Variants in TAFA2 observed in about 807,000 individuals in gnomAD.
TAFA2 encodes the protein chemokine-like protein TAFA-2.
Under a neutral mutation model 18.8 loss-of-function variants are expected in TAFA2, and 7 were observed. The ratio of observed to expected loss-of-function variants is 0.37; its 90% CI spans 0.21 to 0.70. The LOEUF (loss-of-function observed/expected upper bound fraction) is 0.70, where lower values mean the gene tolerates loss of function less well. Ranked by LOEUF, TAFA2 falls within the 30% of genes least tolerant of loss-of-function variation. The pLI is 0.53. For missense variants in TAFA2, 122 were observed against 158.1 expected (o/e 0.77, Z 1.23); for synonymous variants, 60 against 54.2 (o/e 1.11, Z -0.47).
chr12:61,879,617 CA>C (rs2121266006), intron 1 of TAFA2: 1 of 805,808 alleles, frequency 1.2e-6, no homozygotes, highest in African/African-American at 1.7e-5. Flanking sequence ...TCAAGACATT[CA>C]AAACAAGTTT....
At chr12:61,905,281 C>G (rs1876295628) in intron 1 of TAFA2, among the ~76,000 whole-genome samples, 2 of 152,020 alleles carry the variant, frequency 1.3e-5, no homozygotes, top group South Asian at 4.2e-4. Context: ...CATTACCAGG[C>G]CCTCTAATTG....
At chr12:61,932,788 C>T (rs926296496) in intron 1 of TAFA2, among the ~76,000 whole-genome samples, 39 of 152,252 alleles carry the variant, frequency 2.6e-4, no homozygotes, top group African/African-American at 7.2e-4. Context: ...TACTTCTTTG[C>T]TATTCCACAA....
At chr12:62,243,978 C>T (rs1274638079) in intron 1 of TAFA2, among the ~76,000 whole-genome samples, 1 of 152,038 alleles carries the variant, frequency 6.6e-6, no homozygotes, top group Non-Finnish European at 1.5e-5. Context: ...TTTGTAGATG[C>T]AGGGTCTCAC....
chr12:62,187,348 A>C (rs2062593000), intron 1 of TAFA2, among the ~76,000 whole-genome samples: 1 of 152,220 alleles, frequency 6.6e-6, no homozygotes, highest in Admixed American at 6.5e-5. Context: ...ACGTTGTCAC[A>C]CTATGCATAC....
In TAFA2 at chr12:62,120,278, C is replaced by T. The variant is rs1402702024; in HGVS notation, c.-2+70981G>A. 9.2e-5 allele frequency among the ~76,000 whole-genome samples: 14 copies of T among 152,274 alleles called. No individual in the cohort carries two copies. In the East Asian group the frequency reaches 1.9e-3, roughly 21 times the overall value. On this transcript the variant is annotated intron_variant, in intron 1 of 4. Coordinates refer to ENST00000416284, the MANE Select transcript of TAFA2 (RefSeq NM_178539.5). Reference sequence around the variant, plus strand: ...ACCCACAAATGTTGACTGACTTCAACTACGTCTGTAATTACTAAGCACGTA... The same window carrying T: ...ACCCACAAATGTTGACTGACTTCAATTACGTCTGTAATTACTAAGCACGTA...
At chr12:61,749,507 T>G (rs1417747637) in intron 4 of TAFA2, among the ~76,000 whole-genome samples, 1 of 152,092 alleles carries the variant, frequency 6.6e-6, no homozygotes, top group Non-Finnish European at 1.5e-5. Flanking sequence ...CTAATATGAG[T>G]ACTATTAATA....
At chr12:61,726,575 C>T (rs765623863) in intron 4 of TAFA2, among the ~76,000 whole-genome samples, 4 of 151,984 alleles carry the variant, frequency 2.6e-5, no homozygotes, top group Non-Finnish European at 5.9e-5. Flanking sequence ...GATTTGTGTA[C>T]ATTGATTTTG....
intron 1 of TAFA2, among the ~76,000 whole-genome samples, chr12:62,139,204 T>C (rs2136904920): frequency 6.6e-6 from 1 of 152,306 alleles, no homozygotes; most frequent in South Asian, 2.1e-4. Flanking sequence ...AAATGTGTTT[T>C]AATACTCCTG....
chr12:62,013,767 G>A (rs1277677433), intron 1 of TAFA2, among the ~76,000 whole-genome samples: 1 of 152,150 alleles, frequency 6.6e-6, no homozygotes, highest in Non-Finnish European at 1.5e-5. Flanking sequence ...TAGACACTGG[G>A]AGATTCAAAG....
intron 1 of TAFA2, among the ~76,000 whole-genome samples, chr12:62,075,763 T>C (rs1204715146): frequency 6.6e-6 from 1 of 152,206 alleles, no homozygotes; most frequent in Non-Finnish European, 1.5e-5. Flanking sequence ...TGCAGACTTA[T>C]TAATCCACTA....
At chr12:62,153,494 C>A (rs917338877) in intron 1 of TAFA2, among the ~76,000 whole-genome samples, 1 of 151,966 alleles carries the variant, frequency 6.6e-6, no homozygotes, top group Non-Finnish European at 1.5e-5. Flanking sequence ...AAGACCCCAT[C>A]TCTACAAAAA....
At chr12:61,819,920 T>C (rs1872249667) in intron 2 of TAFA2, among the ~76,000 whole-genome samples, 1 of 152,096 alleles carries the variant, frequency 6.6e-6, no homozygotes, top group African/African-American at 2.4e-5. Context: ...TCCAAAGTCA[T>C]TGTTATTTTT....
intron 1 of TAFA2, among the ~76,000 whole-genome samples, chr12:62,043,922 C>T (rs190980439): frequency 2.9e-4 from 44 of 152,138 alleles, no homozygotes; most frequent in Admixed American, 5.2e-4. Flanking sequence ...ATAAAACAAA[C>T]GAGGGAAAGC....
At chr12:62,250,734 T>C (rs145963050) in intron 1 of TAFA2, among the ~76,000 whole-genome samples, 1 of 152,356 alleles carries the variant, frequency 6.6e-6, no homozygotes, top group Non-Finnish European at 1.5e-5. Flanking sequence ...CAAAGCAGTA[T>C]ATTAGAGAAA....
intron 1 of TAFA2, among the ~76,000 whole-genome samples, chr12:61,946,369 G>C (rs1451911228): frequency 7.3e-6 from 1 of 136,264 alleles, no homozygotes; most frequent in Non-Finnish European, 1.6e-5. Context: ...AGAAAACCTA[G>C]GCATTACCAT....
At chr12:61,736,534 A>G (rs1868306985) in intron 4 of TAFA2, among the ~76,000 whole-genome samples, 1 of 151,970 alleles carries the variant, frequency 6.6e-6, no homozygotes, top group Non-Finnish European at 1.5e-5. Flanking sequence ...TCATGCTTAG[A>G]CTGTCTTCTT....
intron 4 of TAFA2, among the ~76,000 whole-genome samples, chr12:61,742,944 T>G (rs1226781229): frequency 6.6e-6 from 1 of 152,020 alleles, no homozygotes; most frequent in African/African-American, 2.4e-5. Context: ...TGCAGCCAAA[T>G]AGACATTATG....
chr12:62,245,848 T>C (rs566356146), intron 1 of TAFA2, among the ~76,000 whole-genome samples: 1 of 150,308 alleles, frequency 6.7e-6, no homozygotes, highest in South Asian at 2.1e-4. Context: ...TATTAATTTC[T>C]GTAGCTTATT....
At chr12:61,983,715 C>T (rs933503179) in intron 1 of TAFA2, among the ~76,000 whole-genome samples, 1 of 152,096 alleles carries the variant, frequency 6.6e-6, no homozygotes, top group African/African-American at 2.4e-5. Context: ...TCCAGAACCC[C>T]AGCACTTTAA....
Sources: gnomAD v4.1 joint callset for allele counts (sites outside exome capture counted in the v4.1 genomes callset) on GRCh38, gnomAD v4.1.1 for gene constraint, MANE v1.5 for transcripts, NCBI Gene and HGNC (gene_info 2026-07-23, HGNC 2026-07-21) for gene names.